The following CLASP1 variants were observed in gnomAD, a reference collection of about 807,000 sequenced individuals.
CLASP1 encodes CLIP-associating protein 1.
Under a neutral mutation model 192.3 loss-of-function variants are expected in CLASP1, and 38 were observed. The observed-to-expected ratio is 0.20, with a 90% confidence interval of 0.15 to 0.26. The LOEUF (loss-of-function observed/expected upper bound fraction) is 0.26. Ranked by LOEUF, CLASP1 falls within the 10% of genes least tolerant of loss-of-function variation. The pLI is 1.00. For missense variants in CLASP1, 1,433 were observed against 1,932.5 expected, an observed-to-expected ratio of 0.74 and a Z score of 4.85; for synonymous variants, 691 against 712.8, an observed-to-expected ratio of 0.97 and a Z score of 0.49.
At chr2:121,415,825 T>C (rs1022023511) in intron 23 of CLASP1, among the ~76,000 whole-genome samples, 1 of 152,234 alleles carries the variant, frequency 6.6e-6, no homozygotes, top group Non-Finnish European at 1.5e-5. Context: ...AATTCTTCAA[T>C]ATAATTTTTA....
intron 2 of CLASP1, among the ~76,000 whole-genome samples, chr2:121,540,111 C>T (rs1371648637): frequency 6.6e-6 from 1 of 152,212 alleles, no homozygotes; most frequent in Admixed American, 6.5e-5. Flanking sequence ...AACAGAAACA[C>T]ATGCATACAT....
intron 30 of CLASP1, among the ~76,000 whole-genome samples, chr2:121,391,962 T>C (rs868748952): frequency 2.6e-5 from 4 of 152,338 alleles, no homozygotes; most frequent in Middle Eastern, 6.8e-3. Context: ...GATCCAGCTA[T>C]TTGATAGTAA....
intron 8 of CLASP1, among the ~76,000 whole-genome samples, chr2:121,480,333 T>C (rs746764825): frequency 6.6e-6 from 1 of 152,200 alleles, no homozygotes; most frequent in African/African-American, 2.4e-5. Flanking sequence ...AAGTTCACAC[T>C]GGGTAAGAGC....
intron 8 of CLASP1, among the ~76,000 whole-genome samples, chr2:121,476,273 A>G (rs1056716055): frequency 6.6e-6 from 1 of 152,106 alleles, no homozygotes; most frequent in African/African-American, 2.4e-5. Flanking sequence ...AGCAGCCTCC[A>G]CTGAAGTCCC....
chr2:121,370,552 C>T (rs954686665), intron 34 of CLASP1, among the ~76,000 whole-genome samples: 9 of 152,218 alleles, frequency 5.9e-5, no homozygotes, highest in Non-Finnish European at 8.8e-5. Flanking sequence ...CTGGAACTCC[C>T]GACCTCAGGT....
intron 2 of CLASP1, chr2:121,530,867 G>A (rs572378395): frequency 9.8e-4 from 663 of 678,994 alleles, no homozygotes; most frequent in Non-Finnish European, 1.5e-3. Context: ...GCAGCCCAGG[G>A]ACTTTCTATT....
chr2:121,510,251 T>C (rs541440534), intron 7 of CLASP1, among the ~76,000 whole-genome samples: 2 of 152,042 alleles, frequency 1.3e-5, no homozygotes, highest in South Asian at 4.1e-4. Flanking sequence ...GAAAAATCAA[T>C]GAAACCAGAA....
chr2:121,395,149 A>G lies in CLASP1; in HGVS notation c.3123+1991T>C, dbSNP rs532838619. ...AGCTGGAAGAAGACCTCAGCCTCAG[A>G]TGAGACTGCAGATCCAGATGACATC... On this transcript the variant is annotated intron_variant, in intron 30 of 39. Transcript: ENST00000263710. Among the ~76,000 whole-genome samples the G allele has an allele frequency of 3.3e-5, 5 of 152,202 alleles. No individual in the cohort carries two copies. The South Asian group carries it at 1.0e-3, about 32-fold the overall frequency.
chr2:121,485,534 T>A (rs964077488), intron 8 of CLASP1, among the ~76,000 whole-genome samples: 1 of 152,012 alleles, frequency 6.6e-6, no homozygotes, highest in Admixed American at 6.6e-5. Flanking sequence ...GGCCTTCCAA[T>A]TGTGTGTGTG....
At chr2:121,453,014 C>G (rs1465911037) in intron 14 of CLASP1, among the ~76,000 whole-genome samples, 1 of 152,182 alleles carries the variant, frequency 6.6e-6, no homozygotes, top group African/African-American at 2.4e-5. Flanking sequence ...AGGCTGGGAG[C>G]AGCGGCTCAC....
intron 2 of CLASP1, among the ~76,000 whole-genome samples, chr2:121,577,904 T>C (rs1422704007): frequency 6.6e-6 from 1 of 151,976 alleles, no homozygotes; most frequent in Non-Finnish European, 1.5e-5. Context: ...GACGACCCTA[T>C]CTCTACAAAA....
intron 14 of CLASP1, among the ~76,000 whole-genome samples, chr2:121,457,288 T>C (rs576936393): frequency 1.3e-5 from 2 of 152,328 alleles, no homozygotes; most frequent in East Asian, 3.9e-4. Context: ...ACTATTGCCA[T>C]TGATGTTTAC....
chr2:121,486,120 G>A (rs2092956017), intron 8 of CLASP1, among the ~76,000 whole-genome samples: 1 of 152,188 alleles, frequency 6.6e-6, no homozygotes, highest in Admixed American at 6.5e-5. Flanking sequence ...AGGCAGTAAT[G>A]AACGAGACTG....
intron 8 of CLASP1, among the ~76,000 whole-genome samples, chr2:121,495,266 T>C (rs911624533): frequency 6.7e-6 from 1 of 150,124 alleles, no homozygotes; most frequent in Admixed American, 6.6e-5. Flanking sequence ...GAGATTGCAG[T>C]GAGCCGAGAT....
chr2:121,637,048 G>A (rs535943432), intron 1 of CLASP1, among the ~76,000 whole-genome samples: 2 of 152,124 alleles, frequency 1.3e-5, no homozygotes, highest in Non-Finnish European at 2.9e-5. Context: ...AAGAGAAAAG[G>A]AAATTGAGAA....
At chr2:121,610,298 TATG>T in intron 1 of CLASP1, among the ~76,000 whole-genome samples, 1 of 133,052 alleles carries the variant, frequency 7.5e-6, no homozygotes, top group East Asian at 2.3e-4. Context: ...GAGGAGGAGT[TATG>T]AGAGGAAGAG....
chr2:121,559,318 C>T (rs2058862537), intron 2 of CLASP1, among the ~76,000 whole-genome samples: 1 of 152,104 alleles, frequency 6.6e-6, no homozygotes, highest in Admixed American at 6.5e-5. Flanking sequence ...CATAAAATTA[C>T]CATATGTCTC....
At chr2:121,469,311 C>T (rs2090240776) in intron 9 of CLASP1, among the ~76,000 whole-genome samples, 2 of 152,294 alleles carry the variant, frequency 1.3e-5, no homozygotes, top group South Asian at 4.2e-4. Flanking sequence ...TGGCTGGTCA[C>T]CACCACCCAC....
intron 7 of CLASP1, among the ~76,000 whole-genome samples, chr2:121,507,066 G>A (rs1178492685): frequency 1.3e-5 from 2 of 151,822 alleles, no homozygotes; most frequent in Admixed American, 1.3e-4. Flanking sequence ...CCCATACAAA[G>A]GAAATAAAAA....
Sources: gnomAD v4.1 joint callset for allele counts (sites outside exome capture counted in the v4.1 genomes callset) on GRCh38, gnomAD v4.1.1 for gene constraint, MANE v1.5 for transcripts, NCBI Gene and HGNC (gene_info 2026-07-23, HGNC 2026-07-21) for gene names.